Variants in TSPAN7 observed in about 807,000 individuals in gnomAD.
The protein encoded by TSPAN7 is tetraspanin 7.
In TSPAN7, 1 loss-of-function variant was observed where a neutral mutation model predicts 17.6. The ratio of observed to expected loss-of-function variants is 0.06; its 90% CI spans 0.02 to 0.27. The LOEUF is 0.27. Ranked by LOEUF, TSPAN7 falls within the 10% of genes least tolerant of loss-of-function variation. The probability of loss-of-function intolerance (pLI) is 1.00; values close to 1 mark genes in which losing one functional copy is unlikely to be tolerated. For missense variants in TSPAN7, 112 were observed against 201.7 expected (o/e 0.56, Z 2.69); for synonymous variants, 78 against 79.0 (o/e 0.99, Z 0.07).
At chrX:38,601,692 T>C (rs143772164) in intron 1 of TSPAN7, among the ~76,000 whole-genome samples, 1,467 of 111,845 alleles carry the variant, frequency 0.013, 30 homozygotes, top group Admixed American at 0.072. Flanking sequence ...GATTAGCTAT[T>C]GTTGTATAAA....
chrX:38,577,580 C>T (rs907338281), intron 1 of TSPAN7, among the ~76,000 whole-genome samples: 1 of 101,505 alleles, frequency 9.9e-6, no homozygotes, highest in Non-Finnish European at 2.0e-5. Context: ...AACCAAACAC[C>T]GCATGCTCTC....
intron 1 of TSPAN7, among the ~76,000 whole-genome samples, chrX:38,650,045 C>G (rs1041452854): frequency 8.9e-6 from 1 of 112,102 alleles, no homozygotes; most frequent in African/African-American, 3.2e-5. Context: ...TGGGAATGCT[C>G]TAATGGGAGG....
intron 1 of TSPAN7, among the ~76,000 whole-genome samples, chrX:38,649,919 C>T (rs1325662704): frequency 4.5e-5 from 5 of 112,109 alleles, no homozygotes; most frequent in Non-Finnish European, 9.4e-5. Context: ...GCCCTCATCA[C>T]AGCTGATGGC....
chrX:38,635,799 A>T (rs971115360), intron 1 of TSPAN7, among the ~76,000 whole-genome samples: 3 of 111,579 alleles, frequency 2.7e-5, no homozygotes, highest in Non-Finnish European at 3.8e-5. Context: ...TAAATTGCAG[A>T]GTAGGACTCA....
intron 1 of TSPAN7, among the ~76,000 whole-genome samples, chrX:38,640,152 T>C (rs1303726151): frequency 9.0e-6 from 1 of 111,561 alleles, no homozygotes; most frequent in African/African-American, 3.3e-5. Context: ...TGAATTTTCA[T>C]TGCATTTTAG....
intron 5 of TSPAN7, 102 bp from the exon 6 acceptor site, chrX:38,681,102 T>C (rs893947999): frequency 3.2e-6 from 2 of 634,054 alleles, no homozygotes; most frequent in African/African-American, 4.3e-5. Flanking sequence ...TTGTATTTGC[T>C]GAATTAAGGT....
At chrX:38,611,778 A>G (rs1444034899) in intron 1 of TSPAN7, among the ~76,000 whole-genome samples, 2 of 111,713 alleles carry the variant, frequency 1.8e-5, no homozygotes, top group Non-Finnish European at 1.9e-5. Context: ...AATGTTTAGT[A>G]GATATAGGTA....
chrX:38,637,244 A>G (rs188904321), intron 1 of TSPAN7, among the ~76,000 whole-genome samples: 3 of 111,780 alleles, frequency 2.7e-5, no homozygotes, highest in African/African-American at 9.8e-5. Flanking sequence ...AATTCCAAAA[A>G]TACTGTTTTT....
chrX:38,629,900 A>G (rs890499665), intron 1 of TSPAN7, among the ~76,000 whole-genome samples: 2 of 112,014 alleles, frequency 1.8e-5, no homozygotes, highest in Non-Finnish European at 3.8e-5. Context: ...GTCCATTCTC[A>G]TTTAAAAGGT....
chrX:38,622,459 C>T lies in TSPAN7; in HGVS notation c.82-43662C>T, dbSNP rs906927143. ...GCTACTTGGATGGGTGAGTTGGGAGCGTCGCTTGAGCCCAGGAGTTCTGAG... is the reference window on the plus strand; with the variant it reads ...GCTACTTGGATGGGTGAGTTGGGAGTGTCGCTTGAGCCCAGGAGTTCTGAG... On this transcript the variant is annotated intron_variant, in intron 1 of 7. Coordinates refer to ENST00000378482, the MANE Select transcript of TSPAN7 (RefSeq NM_004615.4). Among the ~76,000 whole-genome samples the T allele has an allele frequency of 8.0e-5, 9 of 111,918 alleles. No individual in the cohort carries two copies. In the Admixed American group the frequency reaches 8.5e-4, roughly 11 times the overall value.
At chrX:38,603,598 G>C (rs1000519118) in intron 1 of TSPAN7, among the ~76,000 whole-genome samples, 2 of 111,300 alleles carry the variant, frequency 1.8e-5, no homozygotes, top group African/African-American at 6.5e-5. Flanking sequence ...ATGAAGTACT[G>C]ATTCATGCTA....
intron 1 of TSPAN7, among the ~76,000 whole-genome samples, chrX:38,564,819 T>C (rs2069133369): frequency 2.7e-5 from 3 of 111,756 alleles, no homozygotes; most frequent in African/African-American, 9.8e-5. Flanking sequence ...TCTTAAGATG[T>C]GGGGTTTTTT....
At chrX:38,655,354 A>G (rs1488473372) in intron 1 of TSPAN7, among the ~76,000 whole-genome samples, 1 of 111,327 alleles carries the variant, frequency 9.0e-6, no homozygotes, top group Non-Finnish European at 1.9e-5. Context: ...TATTTTTTTC[A>G]TAGTACTCTG....
intron 1 of TSPAN7, among the ~76,000 whole-genome samples, chrX:38,624,381 C>G (rs1038566555): frequency 4.5e-5 from 5 of 111,996 alleles, no homozygotes; most frequent in Non-Finnish European, 9.4e-5. Flanking sequence ...CCCTGAAAAC[C>G]AGGTTCATGA....
chrX:38,615,925 G>A (rs142606411), intron 1 of TSPAN7, among the ~76,000 whole-genome samples: 4 of 111,778 alleles, frequency 3.6e-5, no homozygotes, highest in African/African-American at 9.8e-5. Flanking sequence ...GAGAATGACT[G>A]GAAAGAAAAC....
chrX:38,650,890 G>A (rs7056724), intron 1 of TSPAN7, among the ~76,000 whole-genome samples: 9 of 109,542 alleles, frequency 8.2e-5, no homozygotes, highest in East Asian at 5.8e-4. Context: ...CTCTCTAGCC[G>A]TTTTTACATG....
At chrX:38,681,482 G>A (rs2069891340) in intron 6 of TSPAN7, among the ~76,000 whole-genome samples, 195 bp downstream of exon 6, 2 of 112,248 alleles carry the variant, frequency 1.8e-5, no homozygotes, top group African/African-American at 6.5e-5. Context: ...GTCATCAAGG[G>A]AATATCAGTT....
rs1362842573 is a variant in TSPAN7 at position 38,625,218 on chromosome X, CT to C, written c.82-40902del. ...TAATCTGTCTAAATCCTAAGATCAG[CT>C]CACCACCACCCACCGAGTAATTGCA... On this transcript the variant is annotated intron_variant, in intron 1 of 7. Transcript: ENST00000378482. 9.9e-5 allele frequency among the ~76,000 whole-genome samples: 11 copies of C among 110,937 alleles called. No homozygotes were observed. The East Asian group carries it at 2.8e-3, about 29-fold the overall frequency.
At chrX:38,611,300 G>A (rs982692457) in intron 1 of TSPAN7, among the ~76,000 whole-genome samples, 3 of 112,530 alleles carry the variant, frequency 2.7e-5, no homozygotes, top group African/African-American at 9.7e-5. Flanking sequence ...TGGGTCAGTA[G>A]TTAACAATAA....
Sources: gnomAD v4.1 joint callset for allele counts (sites outside exome capture counted in the v4.1 genomes callset) on GRCh38, gnomAD v4.1.1 for gene constraint, MANE v1.5 for transcripts, NCBI Gene and HGNC (gene_info 2026-07-23, HGNC 2026-07-21) for gene names.